Variants in PDE4D observed in about 807,000 individuals in gnomAD.
The protein encoded by PDE4D is 3',5'-cyclic-AMP phosphodiesterase 4D.
PDE4D carries 24 observed loss-of-function variants against 87.4 expected under a neutral mutation model. That is an observed-to-expected ratio of 0.27 (90% confidence interval 0.20 to 0.39). The LOEUF (loss-of-function observed/expected upper bound fraction) is 0.39, where lower values mean the gene tolerates loss of function less well. PDE4D is among the 10% of genes least tolerant of loss of function. The pLI is 1.00. For synonymous variants in PDE4D, 384 were observed against 383.2 expected, an observed-to-expected ratio of 1.00 and a Z score of -0.02; for missense variants, 714 against 1,041.0, an observed-to-expected ratio of 0.69 and a Z score of 4.32.
intron 1 of PDE4D, among the ~76,000 whole-genome samples, chr5:59,300,068 C>T (rs255634): frequency 0.1 from 13,912 of 135,474 alleles, 1,688 homozygotes; most frequent in East Asian, 0.45. Context: ...GCAGAGATCA[C>T]ACCACTGCAC....
At chr5:60,389,879 C>G (rs575380423) in intron 1 of PDE4D, among the ~76,000 whole-genome samples, 4 of 152,298 alleles carry the variant, frequency 2.6e-5, no homozygotes, top group African/African-American at 9.6e-5. Flanking sequence ...GACATAGACC[C>G]CATTTCTTGA....
chr5:59,327,123 A>G, intron 1 of PDE4D, among the ~76,000 whole-genome samples: 1 of 87,994 alleles, frequency 1.1e-5, no homozygotes, highest in East Asian at 2.7e-4. Flanking sequence ...GTTAATACAG[A>G]AACAGAAATA....
chr5:59,898,311 G>A (rs1466474428), upstream of PDE4D, among the ~76,000 whole-genome samples: 2 of 152,206 alleles, frequency 1.3e-5, no homozygotes, highest in Non-Finnish European at 2.9e-5. Flanking sequence ...CAGGACGACT[G>A]TGATACTGCA....
intron 1 of PDE4D, among the ~76,000 whole-genome samples, chr5:60,186,642 T>C (rs928031086): frequency 6.6e-6 from 1 of 152,106 alleles, no homozygotes; most frequent in Non-Finnish European, 1.5e-5. Context: ...AGGTGTAGGC[T>C]GATGCTAACA....
chr5:59,506,245 G>A (rs1392580518), intron 1 of PDE4D, among the ~76,000 whole-genome samples: 1 of 152,040 alleles, frequency 6.6e-6, no homozygotes, highest in Non-Finnish European at 1.5e-5. Context: ...TTTTTTAGAG[G>A]AGTGAGATTC....
chr5:60,298,673 G>T (rs979660281), intron 1 of PDE4D, among the ~76,000 whole-genome samples: 2 of 151,994 alleles, frequency 1.3e-5, no homozygotes, highest in Non-Finnish European at 2.9e-5. Context: ...TTGTGAAATG[G>T]TTTTTTATCT....
At chr5:59,357,224 T>C (rs1438942992) in intron 1 of PDE4D, among the ~76,000 whole-genome samples, 1 of 152,024 alleles carries the variant, frequency 6.6e-6, no homozygotes, top group Admixed American at 6.6e-5. Flanking sequence ...ACAAAAGGTG[T>C]GATTGAAGTG....
At chr5:59,218,024 G>T in intron 1 of PDE4D, 1 of 484,346 alleles carries the variant, frequency 2.1e-6, no homozygotes, top group Non-Finnish European at 4.1e-6. Context: ...TTCATGAAGA[G>T]TAGTATTTAA....
intron 1 of PDE4D, among the ~76,000 whole-genome samples, chr5:59,844,423 G>A (rs188534722): frequency 2.2e-4 from 33 of 151,928 alleles, no homozygotes; most frequent in Admixed American, 3.9e-4. Context: ...AATATTTTAC[G>A]GTATGCAGTT....
intron 1 of PDE4D, among the ~76,000 whole-genome samples, chr5:59,403,709 T>C (rs1791102716): frequency 6.6e-6 from 1 of 152,216 alleles, no homozygotes; most frequent in Non-Finnish European, 1.5e-5. Context: ...CATTCGTCTA[T>C]TGAGGGAAAC....
chr5:59,838,390 C>T (rs550810590), intron 1 of PDE4D, among the ~76,000 whole-genome samples: 20 of 152,180 alleles, frequency 1.3e-4, no homozygotes, highest in Non-Finnish European at 2.2e-4. Flanking sequence ...TAAGGGATGC[C>T]GGATCTCCAG....
intron 1 of PDE4D, among the ~76,000 whole-genome samples, chr5:60,326,727 A>G (rs1449449023): frequency 6.6e-6 from 1 of 152,128 alleles, no homozygotes; most frequent in African/African-American, 2.4e-5. Context: ...TGGTTAAAGA[A>G]CTCACAGATT....
intron 1 of PDE4D, among the ~76,000 whole-genome samples, chr5:59,868,593 G>A (rs1747381555): frequency 6.6e-6 from 1 of 152,062 alleles, no homozygotes; most frequent in Non-Finnish European, 1.5e-5. Flanking sequence ...AGAGAAAAAA[G>A]ATCACTTTCT....
At chr5:59,745,560 C>T (rs886130155) in intron 1 of PDE4D, among the ~76,000 whole-genome samples, 6 of 152,208 alleles carry the variant, frequency 3.9e-5, no homozygotes, top group African/African-American at 1.4e-4. Flanking sequence ...GCTGCAAGAG[C>T]AAATGCACAA....
At chr5:59,761,546 ATT>A (rs924265760) in intron 1 of PDE4D, among the ~76,000 whole-genome samples, 1 of 151,376 alleles carries the variant, frequency 6.6e-6, no homozygotes, top group Non-Finnish European at 1.5e-5. Context: ...TTTATTTTTA[ATT>A]TTTTTTTACT....
rs183716010 is a variant in PDE4D at position 60,067,574 on chromosome 5, C to A, written c.43-78857G>T. ...AAAATTGTGCTAAAAACATTAAACA[C>A]AAAACTACTTTCTTAACAAATGCAT... On this transcript the variant is annotated intron_variant, in intron 2 of 16. Transcript: ENST00000502484. Among the ~76,000 whole-genome samples, 57 of 152,174 alleles carry A rather than the reference C, an allele frequency of 3.7e-4. 1 individual carries two copies. Among genetic ancestry groups the A allele is most frequent in the Middle Eastern group, 3.4e-3 (1 of 294 alleles).
chr5:59,551,192 TCCTC>T (rs75692902), intron 1 of PDE4D, among the ~76,000 whole-genome samples: 12,697 of 151,832 alleles, frequency 0.084, 632 homozygotes, highest in Admixed American at 0.14. Flanking sequence ...CTTAGAAATA[TCCTC>T]CCTATGTTGA....
chr5:59,659,355 AG>A (rs1442597886), intron 1 of PDE4D, among the ~76,000 whole-genome samples: 1 of 152,256 alleles, frequency 6.6e-6, no homozygotes, highest in African/African-American at 2.4e-5. Flanking sequence ...GGAAGTAAAC[AG>A]GCAGAAAAAA....
intron 1 of PDE4D, among the ~76,000 whole-genome samples, chr5:59,409,857 T>C (rs1265419164): frequency 1.3e-5 from 2 of 152,226 alleles, no homozygotes; most frequent in African/African-American, 2.4e-5. Context: ...ATGCCAGTAC[T>C]ATAGGTCTTT....
Sources: allele counts gnomAD v4.1 joint callset (sites outside exome capture counted in the v4.1 genomes callset), GRCh38; gene constraint gnomAD v4.1.1; transcripts MANE v1.5; gene names NCBI Gene and HGNC (gene_info 2026-07-23, HGNC 2026-07-21).